The following TYW1B variants were observed in gnomAD, a reference collection of about 807,000 sequenced individuals.
TYW1B encodes the protein S-adenosyl-L-methionine-dependent tRNA 4-demethylwyosine synthase TYW1B.
TYW1B carries 73 observed loss-of-function variants against 86.9 expected under a neutral mutation model. That is an observed-to-expected ratio of 0.84 (90% CI 0.70 to 1.02). The LOEUF (loss-of-function observed/expected upper bound fraction) is 1.02. Among genes scored for constraint, TYW1B ranks in the 50% least tolerant of loss-of-function variants. The pLI is 0.00. For missense variants in TYW1B, 637 were observed against 827.4 expected (o/e 0.77, Z 2.82); for synonymous variants, 248 against 292.8 (o/e 0.85, Z 1.56).
chr7:72,809,041 A>ATTTTT (rs35685950), intron 4 of TYW1B, among the ~76,000 whole-genome samples: 1 of 117,618 alleles, frequency 8.5e-6, no homozygotes, highest in African/African-American at 3.1e-5. Context: ...AAAATTCATG[A>ATTTTT]TTTTTTTTTT....
chr7:72,731,700 T>C (rs1159039490), intron 8 of TYW1B, among the ~76,000 whole-genome samples: 1 of 152,048 alleles, frequency 6.6e-6, no homozygotes, highest in Admixed American at 6.6e-5. Flanking sequence ...TCCCAGCACT[T>C]TGGGAGGCTG....
chr7:72,610,002 A>G (rs1247354259), intron 13 of TYW1B, among the ~76,000 whole-genome samples: 8 of 152,190 alleles, frequency 5.3e-5, no homozygotes, highest in East Asian at 1.9e-4. Context: ...AGAGGAGCGC[A>G]GTGACACTGG....
chr7:72,610,435 C>G (rs561368435), intron 13 of TYW1B, among the ~76,000 whole-genome samples: 5 of 152,084 alleles, frequency 3.3e-5, no homozygotes, highest in Non-Finnish European at 7.4e-5. Context: ...CACAATCACT[C>G]ATTTCCCAGG....
rs533050338 is a variant in TYW1B at position 72,815,417 on chromosome 7, A to G, written c.200T>C (p.Leu67Pro). The G allele has an allele frequency of 2.0e-5, 32 of 1,609,864 alleles. No homozygotes were observed. The East Asian group carries it at 6.9e-4, about 35-fold the overall frequency. ...ATGATCATCTGGATCATATTCTTTT[A>G]GATTAATAATGGCCACAGGCAGATC... ...SLDLPVAIIN[L>P]KEYDPDDHLI... The change falls in exon 3 of 14, where the codon CTA (leucine) becomes CCA (proline). Residue 67 changes from leucine (L) to proline (P), a missense_variant. Leu to Pro is a moderately conservative substitution (Grantham distance 98, BLOSUM62 -3). Coordinates refer to ENST00000620995, the MANE Select transcript of TYW1B (RefSeq NM_001145440.3).
intron 7 of TYW1B, among the ~76,000 whole-genome samples, chr7:72,767,313 A>C (rs543604056): frequency 1.3e-5 from 2 of 152,252 alleles, no homozygotes; most frequent in Admixed American, 1.3e-4. Context: ...TCCTTTAAAA[A>C]TCTTTGTCTT....
At chr7:72,617,128 T>A (rs1182918977) in intron 12 of TYW1B, among the ~76,000 whole-genome samples, 1 of 152,246 alleles carries the variant, frequency 6.6e-6, no homozygotes, top group Admixed American at 6.5e-5. Context: ...AATAATGTAT[T>A]TGAATCAATA....
intron 13 of TYW1B, among the ~76,000 whole-genome samples, chr7:72,592,951 G>T (rs1457044994): frequency 6.6e-6 from 1 of 152,162 alleles, no homozygotes. Flanking sequence ...AATACTCAGA[G>T]ACTTCAATAC....
intron 7 of TYW1B, among the ~76,000 whole-genome samples, chr7:72,757,280 A>T (rs1351019469): frequency 6.6e-6 from 1 of 151,622 alleles, no homozygotes; most frequent in Non-Finnish European, 1.5e-5. Flanking sequence ...AGGCAGGAGA[A>T]TCGCTTGAAC....
At chr7:72,822,309 A>G (rs564490950) in intron 2 of TYW1B, among the ~76,000 whole-genome samples, 166 of 152,198 alleles carry the variant, frequency 1.1e-3, no homozygotes, top group Admixed American at 1.5e-3. Context: ...AAAGAAATGA[A>G]AAGGGAAAAA....
chr7:72,727,811 CAAAAAA>C (rs10714290), intron 9 of TYW1B, among the ~76,000 whole-genome samples: 6 of 107,662 alleles, frequency 5.6e-5, no homozygotes, highest in South Asian at 3.5e-4. Flanking sequence ...AGATCCGGTC[CAAAAAA>C]AAAAAAAAAA....
At chr7:72,783,957 A>T (rs2129572147) in intron 6 of TYW1B, among the ~76,000 whole-genome samples, 1 of 152,358 alleles carries the variant, frequency 6.6e-6, no homozygotes, top group South Asian at 2.1e-4. Context: ...ACAGAACTTT[A>T]TAATCAGAAC....
At chr7:72,806,567 C>T (rs1271646370) in intron 5 of TYW1B, among the ~76,000 whole-genome samples, 27 of 151,956 alleles carry the variant, frequency 1.8e-4, no homozygotes, top group African/African-American at 5.8e-4. Flanking sequence ...GCATCTAGCA[C>T]GATATGGCTT....
intron 4 of TYW1B, among the ~76,000 whole-genome samples, chr7:72,809,582 C>T (rs1485654145): frequency 6.6e-6 from 1 of 152,030 alleles, no homozygotes; most frequent in African/African-American, 2.4e-5. Context: ...CAGCCTAGGA[C>T]TTCAAGGTTC....
intron 9 of TYW1B, among the ~76,000 whole-genome samples, chr7:72,715,973 C>G (rs1554455866): frequency 6.6e-6 from 1 of 152,170 alleles, no homozygotes; most frequent in Non-Finnish European, 1.5e-5. Flanking sequence ...CTCCATCACC[C>G]AGGCTGGATT....
intron 13 of TYW1B, among the ~76,000 whole-genome samples, chr7:72,606,190 T>C (rs3015869): frequency 0.095 from 14,376 of 151,692 alleles, 1,091 homozygotes; most frequent in East Asian, 0.41. Flanking sequence ...TGCAGACAAC[T>C]ATTGGATAAA....
At chr7:72,655,856 C>T (rs3015892) in intron 11 of TYW1B, among the ~76,000 whole-genome samples, 27,705 of 152,078 alleles carry the variant, frequency 0.18, 3,047 homozygotes, top group East Asian at 0.55. Flanking sequence ...CACCTGTCAC[C>T]GCCCACTGTC....
intron 8 of TYW1B, among the ~76,000 whole-genome samples, chr7:72,737,924 G>A (rs1346864295): frequency 2.0e-5 from 3 of 150,576 alleles, no homozygotes; most frequent in Admixed American, 6.7e-5. Flanking sequence ...ACAGGTGCCC[G>A]CCACCAAGCC....
At chr7:72,633,117 A>G (rs1812582254) in intron 11 of TYW1B, among the ~76,000 whole-genome samples, 1 of 152,246 alleles carries the variant, frequency 6.6e-6, no homozygotes. Flanking sequence ...TACAAATGCC[A>G]TGCAACAACC....
intron 13 of TYW1B, among the ~76,000 whole-genome samples, chr7:72,585,117 C>T (rs1157224050): frequency 1.3e-5 from 2 of 152,288 alleles, no homozygotes; most frequent in Admixed American, 6.5e-5. Flanking sequence ...GTAACTTCTC[C>T]GTAGAGTCAT....
Sources: allele counts gnomAD v4.1 joint callset (sites outside exome capture counted in the v4.1 genomes callset), GRCh38; gene constraint gnomAD v4.1.1; transcripts MANE v1.5; gene names NCBI Gene and HGNC (gene_info 2026-07-23, HGNC 2026-07-21).